STPG2: variants seen among roughly 807,000 people sequenced by gnomAD.
STPG2 encodes sperm tail PG-rich repeat containing 2, also known as sperm-tail PG-rich repeat-containing protein 2.
Under a neutral mutation model 54.2 loss-of-function variants are expected in STPG2, and 56 were observed. The observed-to-expected ratio is 1.03, with a 90% CI of 0.83 to 1.29. The LOEUF is 1.29. STPG2 is among the 50% of genes most tolerant of loss of function. The pLI, the probability that STPG2 is intolerant of heterozygous loss-of-function variation, is 0.00. For synonymous variants in STPG2, 200 were observed against 181.8 expected, an observed-to-expected ratio of 1.10 and a Z score of -0.81; for missense variants, 596 against 544.9, an observed-to-expected ratio of 1.09 and a Z score of -0.93.
chr4:97,469,158 T>G (rs556074396), intron 4 of STPG2, among the ~76,000 whole-genome samples: 2 of 152,252 alleles, frequency 1.3e-5, no homozygotes, highest in African/African-American at 2.4e-5. Context: ...ACCATGGTAT[T>G]CAGGTAGTGC....
intron 1 of STPG2, among the ~76,000 whole-genome samples, chr4:98,135,664 G>T (rs1049025831): frequency 6.6e-6 from 1 of 151,824 alleles, no homozygotes; most frequent in East Asian, 1.9e-4. Context: ...GAGAAGAAGG[G>T]AAGAGGAGAG....
chr4:98,066,157 G>A (rs982521714), intron 5 of STPG2, among the ~76,000 whole-genome samples: 2 of 151,770 alleles, frequency 1.3e-5, no homozygotes, highest in Non-Finnish European at 2.9e-5. Context: ...GTACTTTAGT[G>A]GCTAAAAATT....
At chr4:97,922,477 GA>G (rs1370667452) in intron 8 of STPG2, among the ~76,000 whole-genome samples, 1 of 152,120 alleles carries the variant, frequency 6.6e-6, no homozygotes, top group Admixed American at 6.5e-5. Flanking sequence ...AAGAAACTGA[GA>G]ATGCCTTTGT....
intron 9 of STPG2, among the ~76,000 whole-genome samples, chr4:97,718,638 A>G (rs948067844): frequency 6.6e-6 from 1 of 152,008 alleles, no homozygotes; most frequent in Non-Finnish European, 1.5e-5. Context: ...TTCATTGGAT[A>G]TTAAAAAAGA....
At chr4:97,768,137 A>T (rs1308390268) in intron 9 of STPG2, among the ~76,000 whole-genome samples, 1 of 151,232 alleles carries the variant, frequency 6.6e-6, no homozygotes, top group African/African-American at 2.4e-5. Context: ...ACTGCACTCC[A>T]GCCTGGGCAA....
intron 3 of STPG2, among the ~76,000 whole-genome samples, chr4:98,118,188 G>A (rs1238178494): frequency 2.0e-5 from 3 of 152,072 alleles, no homozygotes; most frequent in Non-Finnish European, 2.9e-5. Context: ...TAAGTGCCTT[G>A]AACCAATAAA....
chr4:97,922,229 A>G (rs1732136955), intron 8 of STPG2, among the ~76,000 whole-genome samples: 1 of 152,218 alleles, frequency 6.6e-6, no homozygotes, highest in Non-Finnish European at 1.5e-5. Context: ...TTTTACAGGG[A>G]ATACATACAT....
At chr4:97,831,286 G>A (rs549236627) in intron 9 of STPG2, among the ~76,000 whole-genome samples, 1 of 152,186 alleles carries the variant, frequency 6.6e-6, no homozygotes, top group African/African-American at 2.4e-5. Context: ...GGTAAATAAC[G>A]AAATGAAGGC....
chr4:98,025,525 C>A, intron 5 of STPG2: 1 of 674,884 alleles, frequency 1.5e-6, no homozygotes, highest in South Asian at 1.4e-5. Context: ...ATAAAACACC[C>A]AAATACAGGA....
intron 8 of STPG2, among the ~76,000 whole-genome samples, chr4:97,906,998 T>A (rs1046988664): frequency 1.3e-5 from 2 of 149,992 alleles, no homozygotes; most frequent in African/African-American, 4.9e-5. Context: ...TTCAACATAG[T>A]GTTGGAAGTT....
chr4:97,533,993 C>T (rs192654937), intron 4 of STPG2, among the ~76,000 whole-genome samples: 1 of 151,892 alleles, frequency 6.6e-6, no homozygotes, highest in Non-Finnish European at 1.5e-5. Flanking sequence ...AATCATTTTC[C>T]AAAGAGGTTG....
chr4:97,601,285 A>G (rs1014254875), intron 10 of STPG2, among the ~76,000 whole-genome samples: 1 of 151,996 alleles, frequency 6.6e-6, no homozygotes, highest in South Asian at 2.1e-4. Flanking sequence ...TAAATTCCTT[A>G]TTTTATTTGC....
intron 9 of STPG2, among the ~76,000 whole-genome samples, chr4:97,814,062 G>A (rs1183391071): frequency 6.6e-6 from 1 of 152,054 alleles, no homozygotes; most frequent in Non-Finnish European, 1.5e-5. Context: ...TACACCTAAT[G>A]AGATCATGAA....
intron 5 of STPG2, among the ~76,000 whole-genome samples, chr4:98,013,227 G>A (rs1274939937): frequency 2.0e-5 from 3 of 152,172 alleles, no homozygotes; most frequent in South Asian, 2.1e-4. Context: ...TTTTGTCATT[G>A]CTTCTGTTTA....
intron 8 of STPG2, among the ~76,000 whole-genome samples, chr4:97,892,771 G>A (rs1730820651): frequency 6.6e-6 from 1 of 152,178 alleles, no homozygotes; most frequent in Non-Finnish European, 1.5e-5. Flanking sequence ...TTATGCATAT[G>A]TATGTACAGC....
chr4:97,461,257 A>C (rs4482769), intron 4 of STPG2, among the ~76,000 whole-genome samples: 70,686 of 147,634 alleles, frequency 0.48, 17,256 homozygotes, highest in Non-Finnish European at 0.57. Flanking sequence ...CTTTCTCTTT[A>C]TCTCTCTCTC....
At chr4:97,940,869 A>G (rs927278096) in intron 8 of STPG2, among the ~76,000 whole-genome samples, 2 of 125,784 alleles carry the variant, frequency 1.6e-5, no homozygotes, top group African/African-American at 3.1e-5. Context: ...TGACTTCTTC[A>G]TTAATTATTT....
intron 9 of STPG2, among the ~76,000 whole-genome samples, chr4:97,776,618 G>T (rs558737478): frequency 6.6e-6 from 1 of 152,116 alleles, no homozygotes; most frequent in Non-Finnish European, 1.5e-5. Context: ...TCTAGTGTTC[G>T]GAAGAAGTGG....
At position 98,126,666 on chromosome 4, in the gene STPG2, C is replaced by A. The variant is rs1489981769; in HGVS notation, c.387+1762G>T. Reference sequence around the variant, plus strand: ...TTTTCATTCTTCTCAGTGAGAGCCACAGACCACAGCTGCTTCTAATTGGCC... The same window carrying A: ...TTTTCATTCTTCTCAGTGAGAGCCAAAGACCACAGCTGCTTCTAATTGGCC... On this transcript the variant is annotated intron_variant, in intron 3 of 10. Transcript: ENST00000295268. 2.0e-5 allele frequency among the ~76,000 whole-genome samples: 3 copies of A among 152,306 alleles called. No homozygotes were observed. In the South Asian group the frequency reaches 6.2e-4, roughly 32 times the overall value.
Sources: gnomAD v4.1 joint callset for allele counts (sites outside exome capture counted in the v4.1 genomes callset) on GRCh38, gnomAD v4.1.1 for gene constraint, MANE v1.5 for transcripts, NCBI Gene and HGNC (gene_info 2026-07-23, HGNC 2026-07-21) for gene names.